Variants in GGA2 observed in about 807,000 individuals in gnomAD.
GGA2 encodes the protein ADP-ribosylation factor-binding protein GGA2.
Under a neutral mutation model 79.5 loss-of-function variants are expected in GGA2, and 48 were observed. The observed-to-expected ratio is 0.60, with a 90% confidence interval of 0.48 to 0.77. The LOEUF (loss-of-function observed/expected upper bound fraction) is 0.77, where lower values mean the gene tolerates loss of function less well. GGA2 is among the 30% of genes least tolerant of loss of function. The pLI is 0.00. For missense variants in GGA2, 770 were observed against 774.0 expected, an observed-to-expected ratio of 0.99 and a Z score of 0.06; for synonymous variants, 317 against 302.0, an observed-to-expected ratio of 1.05 and a Z score of -0.51.
At chr16:23,482,785 G>A (rs1226264295) in intron 9 of GGA2, 138 bp downstream of exon 9, 3 of 669,392 alleles carry the variant, frequency 4.5e-6, no homozygotes, top group African/African-American at 3.5e-5. Context: ...AGGCAACTCA[G>A]GCCACACCCT....
At position 23,464,800 on chromosome 16, in the gene GGA2, A is replaced by T. The variant is rs996717768; in HGVS notation, c.*2790T>A. On this transcript the variant is annotated 3_prime_UTR_variant, in exon 17 of 17. Transcript: ENST00000309859. The stretch of plus-strand genomic sequence containing the variant: ...AACAGTGGAACCTCCAGATACAGAT[A>T]ACCCCTGACAGACTGAAATACGATC... 6.4e-6 allele frequency: 1 copy of T among 155,368 alleles called. No individual in the cohort carries two copies. Among genetic ancestry groups the T allele is most frequent in the African/African-American group, 2.4e-5 (1 of 41,458 alleles). 9.6% of individuals were successfully genotyped at this position (155,368 alleles called of 1,614,324 possible). A position where few individuals can be genotyped will look rare whatever the true frequency, so the allele number is the denominator to read the frequency against.
At chr16:23,517,736 C>A (rs1279625427) in intron 2 of GGA2, among the ~76,000 whole-genome samples, 1 of 151,688 alleles carries the variant, frequency 6.6e-6, no homozygotes, top group Non-Finnish European at 1.5e-5. Context: ...CCCTCAGAAC[C>A]CCTGAGGTGC....
At chr16:23,470,970 C>T (rs1964504151) in intron 14 of GGA2, among the ~76,000 whole-genome samples, 1 of 151,428 alleles carries the variant, frequency 6.6e-6, no homozygotes, top group Admixed American at 6.6e-5. Flanking sequence ...GCTGGGATTA[C>T]AGGCATGCAC....
chr16:23,468,921 T>C lies in GGA2; in HGVS notation c.1696A>G (p.Ile566Val). ...TTGTCAAGCAGCAGCATCTGAGATATCACAGCTGGAGGCATCAAAGGACTG... is the reference window on the plus strand; with the variant it reads ...TTGTCAAGCAGCAGCATCTGAGATACCACAGCTGGAGGCATCAAAGGACTG... ...AFSPLMPPAVISQMLLLDNPH... is the reference protein window; with the variant it reads ...AFSPLMPPAVVSQMLLLDNPH... Residue 566 changes from isoleucine to valine, a missense_variant, in exon 16 of 17, where the codon ATA becomes GTA. Coordinates refer to ENST00000309859, the MANE Select transcript of GGA2 (RefSeq NM_015044.4). 6.2e-7 allele frequency: 1 copy of C among 1,610,264 alleles called. No homozygotes were observed. The highest frequency in any genetic ancestry group is 8.5e-7 in the Non-Finnish European group (1 of 1,176,548).
chr16:23,486,243 G>A, intron 7 of GGA2, 91 bp from the exon 8 acceptor site: 1 of 1,153,532 alleles, frequency 8.7e-7, no homozygotes, highest in Non-Finnish European at 1.3e-6. Context: ...TATTGAGAGA[G>A]CTCGCTCAGG....
intron 2 of GGA2, among the ~76,000 whole-genome samples, chr16:23,515,499 A>T (rs908590605): frequency 1.3e-5 from 2 of 149,356 alleles, no homozygotes; most frequent in African/African-American, 2.5e-5. Context: ...CAGGAGGCTG[A>T]GACCGGAGAA....
rs143594050 is a variant in GGA2 at position 23,488,803 on chromosome 16, A to C, written c.476-94T>G. On this transcript the variant is annotated intron_variant, in intron 5 of 16. Coordinates refer to ENST00000309859, the MANE Select transcript of GGA2 (RefSeq NM_015044.4). ...AAAGTCTGGAAACCCCTGGTTCCTA[A>C]TACCATGCTAGCAAAGCACTGTCAA... 3.9e-4 allele frequency: 276 copies of C among 711,482 alleles called. 1 individual carries two copies. The East Asian group carries it at 5.4e-3, about 14-fold the overall frequency. 44.1% of individuals were successfully genotyped at this position (711,482 alleles called of 1,614,324 possible). A position where few individuals can be genotyped will look rare whatever the true frequency, so the allele number is the denominator to read the frequency against.
chr16:23,479,769 G>A lies in GGA2; in HGVS notation c.1125C>T (p.Ala375=), dbSNP rs919039954. The part of the protein sequence containing the change: ...VPSLLHQDLA[A]LGISDAPVTG... ...CCCACAAGCACCTGCCCTCACCCAAGGCTGCCAGGTCCTGATGAAGCAAAG... is the reference window on the plus strand; with the variant it reads ...CCCACAAGCACCTGCCCTCACCCAAAGCTGCCAGGTCCTGATGAAGCAAAG... Residue 375 remains alanine, a synonymous_variant, in exon 11 of 17, where the codon GCC becomes GCT. Coordinates refer to ENST00000309859, the MANE Select transcript of GGA2 (RefSeq NM_015044.4). The A allele has an allele frequency of 1.6e-5, 26 of 1,613,990 alleles. No homozygotes were observed. The highest frequency in any genetic ancestry group is 2.2e-5 in the Non-Finnish European group (26 of 1,179,980).
chr16:23,493,634 C>T (rs1453739738), intron 3 of GGA2, 176 bp from the exon 4 acceptor site: 8 of 591,380 alleles, frequency 1.4e-5, no homozygotes, highest in Non-Finnish European at 2.1e-5. Context: ...AAAAAAATGT[C>T]CCCTGTTCAA....
chr16:23,475,354 T>G (rs2142116907), intron 13 of GGA2, among the ~76,000 whole-genome samples: 1 of 151,788 alleles, frequency 6.6e-6, no homozygotes, highest in African/African-American at 2.4e-5. Context: ...CATGTCCGAC[T>G]AATTTTTGTA....
At position 23,464,661 on chromosome 16, in the gene GGA2, T is replaced by C. The variant is rs1180101163; in HGVS notation, c.*2929A>G. The C allele has an allele frequency of 2.0e-5, 3 of 152,318 alleles. No individual in the cohort carries two copies. The highest frequency in any genetic ancestry group is 4.4e-5 in the Non-Finnish European group (3 of 68,236). 9.4% of individuals were successfully genotyped at this position (152,318 alleles called of 1,614,324 possible). A position where few individuals can be genotyped will look rare whatever the true frequency, so the allele number is the denominator to read the frequency against. On this transcript the variant is annotated 3_prime_UTR_variant, in exon 17 of 17. Coordinates refer to ENST00000309859, the MANE Select transcript of GGA2 (RefSeq NM_015044.4). ...AAATGACATGCAACTACTCTGCGGATACAGACGAAGCAGGAATCAGGGACC... is the reference window on the plus strand; with the variant it reads ...AAATGACATGCAACTACTCTGCGGACACAGACGAAGCAGGAATCAGGGACC...
chr16:23,467,390 ACAC>A lies in GGA2; in HGVS notation c.*197_*199del. 2 of 136,796 alleles carry A rather than the reference ACAC, an allele frequency of 1.5e-5. No individual in the cohort carries two copies. The highest frequency in any genetic ancestry group is 1.5e-5 in the Non-Finnish European group (1 of 66,866). The allele number at this position is 136,796 out of a possible 1,614,324, so 8.5% of individuals were successfully genotyped here. A position where few individuals can be genotyped will look rare whatever the true frequency, so the allele number is the denominator to read the frequency against. ...CTGTGCTACCACCCTCTCCCCGAACACACACACACACACACACACACACACACA... is the reference window on the plus strand; with the variant it reads ...CTGTGCTACCACCCTCTCCCCGAACAACACACACACACACACACACACACA... On this transcript the variant is annotated 3_prime_UTR_variant, in exon 17 of 17. Coordinates refer to ENST00000309859, the MANE Select transcript of GGA2 (RefSeq NM_015044.4).
At chr16:23,504,007 G>T (rs1391344521) in intron 1 of GGA2, among the ~76,000 whole-genome samples, 4 of 152,024 alleles carry the variant, frequency 2.6e-5, no homozygotes, top group African/African-American at 4.8e-5. Context: ...CTTGAACCCG[G>T]GAGACGGAGG....
Position 23,491,758 on chromosome 16 carries a change from T to C in GGA2, c.394A>G (p.Ile132Val), listed in dbSNP as rs1964791326. 1.2e-6 allele frequency: 2 copies of C among 1,608,594 alleles called. No homozygotes were observed. The highest frequency in any genetic ancestry group is 8.5e-7 in the Non-Finnish European group (1 of 1,175,082). Residue 132 changes from isoleucine (I) to valine (V), a missense_variant, in exon 5 of 17, where the codon ATT becomes GTT. Transcript: ENST00000309859. ...WATGKVKGRVIEILFSWTVWF... is the reference protein window; with the variant it reads ...WATGKVKGRVVEILFSWTVWF... Reference sequence around the variant, plus strand: ...ACTGTCCAACTGAAGAGTATTTCAATGACTCTTCCTTTAACTTTTCCTGTG... The same window carrying C: ...ACTGTCCAACTGAAGAGTATTTCAACGACTCTTCCTTTAACTTTTCCTGTG...
intron 10 of GGA2, 126 bp from the exon 11 acceptor site, chr16:23,480,013 A>G (rs1458398776): frequency 1.2e-6 from 1 of 826,594 alleles, no homozygotes; most frequent in East Asian, 2.7e-5. Flanking sequence ...CCCTTCCAAG[A>G]ACCTTCCACT....
upstream of GGA2, chr16:23,510,601 C>G (rs1965035367): frequency 2.6e-6 from 1 of 382,994 alleles, no homozygotes; most frequent in Non-Finnish European, 4.6e-6. Flanking sequence ...GTCCAGATCC[C>G]TCCACCCAGC....
At chr16:23,487,431 A>C (rs546382760) in intron 6 of GGA2, among the ~76,000 whole-genome samples, 1 of 152,158 alleles carries the variant, frequency 6.6e-6, no homozygotes, top group Non-Finnish European at 1.5e-5. Context: ...AACATCCTAC[A>C]GTGCACAGGA....
At chr16:23,519,332 C>T (rs528408535) in intron 2 of GGA2, among the ~76,000 whole-genome samples, 38 of 152,142 alleles carry the variant, frequency 2.5e-4, no homozygotes, top group Non-Finnish European at 3.7e-4. Context: ...CATGAGCCGC[C>T]GTGCCCAGCC....
chr16:23,493,812 G>A (rs908950101), intron 3 of GGA2: 14 of 306,660 alleles, frequency 4.6e-5, no homozygotes, highest in East Asian at 1.6e-4. Flanking sequence ...AAGACCAGCC[G>A]GATGTCACCC....
Sources: gnomAD v4.1 joint callset for allele counts (sites outside exome capture counted in the v4.1 genomes callset) on GRCh38, gnomAD v4.1.1 for gene constraint, MANE v1.5 for transcripts, NCBI Gene and HGNC (gene_info 2026-07-23, HGNC 2026-07-21) for gene names.